Variants in EVC2 observed in about 807,000 individuals in gnomAD.
EVC2 encodes the protein EvC ciliary complex subunit 2, also known as limbin.
EVC2 carries 148 observed loss-of-function variants against 149.3 expected under a neutral mutation model. The observed-to-expected ratio is 0.99, with a 90% confidence interval of 0.87 to 1.14. The LOEUF is 1.14. Among genes scored for constraint, EVC2 ranks in the 50% most tolerant of loss-of-function variants. The pLI is 0.00. For synonymous variants in EVC2, 776 were observed against 649.9 expected (o/e 1.19, Z -2.95); for missense variants, 1,854 against 1,627.3 (o/e 1.14, Z -2.40).
Position 5,622,965 on chromosome 4 carries a change from C to A in EVC2, c.2073G>T (p.Ala691=). 6.2e-7 allele frequency: 1 copy of A among 1,614,076 alleles called. No homozygotes were observed. The highest frequency in any genetic ancestry group is 1.1e-5 in the South Asian group (1 of 91,074). Reference sequence around the variant, plus strand: ...CCGTTCGGAAGGCCTCGCCGACGGACGCCTGCTCCCTACGCTGCTCCCTGT... The same window carrying A: ...CCGTTCGGAAGGCCTCGCCGACGGAAGCCTGCTCCCTACGCTGCTCCCTGT... The part of the protein sequence containing the change: ...QKHREQRREQ[A]SVGEAFRTVE... Residue 691 remains alanine (A), a synonymous_variant, in exon 14 of 22, where the codon GCG becomes GCT. Coordinates refer to ENST00000344408, the MANE Select transcript of EVC2 (RefSeq NM_147127.5). This position sits in a 1 kb window ranked among gnomAD's most constrained non-coding sequence, Gnocchi z 5.8.
At chr4:5,555,145 G>C (rs1459077447) in intron 21 of EVC2, among the ~76,000 whole-genome samples, 1 of 151,706 alleles carries the variant, frequency 6.6e-6, no homozygotes, top group East Asian at 1.9e-4. Context: ...AGCCACCAAA[G>C]TCATTTTAAG....
rs903692929 is a variant in EVC2 at position 5,613,944 on chromosome 4, T to C, written c.2829+1478A>G. ...TTGGCGAGATCGTGCATTCGTGTTC[T>C]GAGAAATACACCGGCACTAAAATAA... On this transcript the variant is annotated intron_variant, in intron 16 of 21. Coordinates refer to ENST00000344408, the MANE Select transcript of EVC2 (RefSeq NM_147127.5). This position sits in a 1 kb window ranked among gnomAD's most constrained non-coding sequence, Gnocchi z 4.6. Among the ~76,000 whole-genome samples the C allele has an allele frequency of 3.3e-5, 5 of 152,142 alleles. No homozygotes were observed. The highest frequency in any genetic ancestry group is 7.4e-5 in the Non-Finnish European group (5 of 68,024).
intron 7 of EVC2, among the ~76,000 whole-genome samples, chr4:5,678,052 G>T (rs542258940): frequency 2.0e-5 from 3 of 152,344 alleles, no homozygotes; most frequent in African/African-American, 7.2e-5. Flanking sequence ...AACATCTCCA[G>T]CCAGAGACTG....
rs746099524 is a variant in EVC2 at position 5,689,203 on chromosome 4, G to C, written c.660C>G (p.Asn220Lys). 3.3e-5 allele frequency: 54 copies of C among 1,614,120 alleles called. No homozygotes were observed. Among genetic ancestry groups the C allele is most frequent in the Non-Finnish European group, 4.5e-5 (53 of 1,180,056 alleles). Residue 220 changes from asparagine to lysine, a missense_variant, in exon 5 of 22, where the codon AAC becomes AAG. Physicochemically the swap from Asn to Lys is moderately conservative, Grantham distance 94 (BLOSUM62 0). Coordinates refer to ENST00000344408, the MANE Select transcript of EVC2 (RefSeq NM_147127.5). ...AAGCCTGGAATCCTTCCGAGGTCCT[G>C]TTTCCCACAGAGTCCCAAATGGTGA... ...AGLTIWDSVG[N>K]RTSEGFQAFS...
At position 5,708,490 on chromosome 4, in the gene EVC2, C is replaced by T. The variant is rs989328461; in HGVS notation, c.24G>A (p.Gly8=). The T allele has an allele frequency of 3.4e-6, 5 of 1,477,502 alleles. No individual in the cohort carries two copies. The highest frequency in any genetic ancestry group is 4.5e-6 in the Non-Finnish European group (5 of 1,121,552). 91.5% of individuals were successfully genotyped at this position (1,477,502 alleles called of 1,614,324 possible). The change falls in exon 1 of 22, where the codon GGG becomes GGA. Residue 8 remains glycine, a synonymous_variant. Transcript: ENST00000344408. ...CCCCGGCCAGCACCCACGTGGGGCG[C>T]CCCCGGGAGCCCGAGGGGTCCATCG... MDPSGSR[G]RPTWVLAGGL...
In EVC2 at chr4:5,567,279, C is replaced by T. The variant is rs1722343668; in HGVS notation, c.3557+1165G>A. On this transcript the variant is annotated intron_variant, in intron 20 of 21. Transcript: ENST00000344408. This position sits in a 1 kb window ranked among gnomAD's most constrained non-coding sequence, Gnocchi z 4.4. Reference sequence around the variant, plus strand: ...CTGCCCACACCCGCAGATGTTCCCTCTTCCCCACCCTCCCCCTCACCCTGG... The same window carrying T: ...CTGCCCACACCCGCAGATGTTCCCTTTTCCCCACCCTCCCCCTCACCCTGG... 6.6e-6 allele frequency among the ~76,000 whole-genome samples: 1 copy of T among 152,206 alleles called. No individual in the cohort carries two copies. Among genetic ancestry groups the T allele is most frequent in the Non-Finnish European group, 1.5e-5 (1 of 68,046 alleles).
chr4:5,537,050 A>G, the EVC2 span, among the ~76,000 whole-genome samples: 1 of 152,200 alleles, frequency 6.6e-6, no homozygotes, highest in East Asian at 1.9e-4. Flanking sequence ...TTAAATGGAC[A>G]AAAGGTGCAA....
At chr4:5,554,743 GAAGCCCTTCCAGAGTATTTTGA>G (rs1721803858) in intron 21 of EVC2, among the ~76,000 whole-genome samples, 2 of 152,176 alleles carry the variant, frequency 1.3e-5, no homozygotes, top group Non-Finnish European at 2.9e-5. Flanking sequence ...ATCATAGCCA[GAAGCCCTTCCAGAGTATTTTGA>G]AGCCAATCCC....
At chr4:5,675,582 G>C (rs1719930126) in intron 7 of EVC2, among the ~76,000 whole-genome samples, 1 of 152,086 alleles carries the variant, frequency 6.6e-6, no homozygotes, top group South Asian at 2.1e-4. Context: ...CTTCCCATCT[G>C]GGTTCATAAT....
At chr4:5,541,131 A>T (rs1368727747), downstream of EVC2, among the ~76,000 whole-genome samples, 1 of 152,184 alleles carries the variant, frequency 6.6e-6, no homozygotes, top group Non-Finnish European at 1.5e-5. Context: ...TAAGAATACG[A>T]CTTTTTAAGG....
At chr4:5,534,794 G>C in the EVC2 span, among the ~76,000 whole-genome samples, 1 of 142,968 alleles carries the variant, frequency 7.0e-6, no homozygotes, top group South Asian at 2.3e-4. Flanking sequence ...ACAGTGGTCT[G>C]GCACTTAGCA....
chr4:5,625,762 T>G lies in EVC2; in HGVS notation c.2033A>C (p.Glu678Ala). 2 of 1,614,168 alleles carry G rather than the reference T, an allele frequency of 1.2e-6. No homozygotes were observed. Among genetic ancestry groups the G allele is most frequent in the Non-Finnish European group, 1.7e-6 (2 of 1,180,036 alleles). ...HQKLITKRRR[E>A]LLQKHREQRR... ...TGCCTTATATACCTTTTGTAGCAACTCTCGTCTTCTCTTAGTTATTAATTT... is the reference window on the plus strand; with the variant it reads ...TGCCTTATATACCTTTTGTAGCAACGCTCGTCTTCTCTTAGTTATTAATTT... Residue 678 changes from glutamate (E) to alanine (A), a missense_variant, in exon 13 of 22, where the codon GAG (glutamate) becomes GCG (alanine). Physicochemically the swap from Glu to Ala is moderately radical, Grantham distance 107 (BLOSUM62 -1). Transcript: ENST00000344408. The surrounding 1 kb of genome is among the most constrained non-coding windows in gnomAD (Gnocchi z 4.0).
rs969839210 is a variant in EVC2, at chr4:5,618,281, G to C, written c.2706+197C>G. Among the ~76,000 whole-genome samples, 1 of 152,198 alleles carries C rather than the reference G, an allele frequency of 6.6e-6. No homozygotes were observed. Among genetic ancestry groups the C allele is most frequent in the Non-Finnish European group, 1.5e-5 (1 of 68,038 alleles). On this transcript the variant is annotated intron_variant, in intron 15 of 21. Transcript: ENST00000344408. This position sits in a 1 kb window ranked among gnomAD's most constrained non-coding sequence, Gnocchi z 4.4. ...ACAGGATCAGGGCACAGCACCAGCA[G>C]TGTCCACTATAGACTTTAAAGTTGG...
Position 5,686,193 on chromosome 4 carries a change from A to C in EVC2, c.707-714T>G, listed in dbSNP as rs1040818893. Among the ~76,000 whole-genome samples, 1 of 151,630 alleles carries C rather than the reference A, an allele frequency of 6.6e-6. No homozygotes were observed. Among genetic ancestry groups the C allele is most frequent in the African/African-American group, 2.4e-5 (1 of 41,244 alleles). ...AATCACTGGCATTTTTGTTTTAAAA[A>C]TCCTCAACATTTTCATTTTTATTTA... On this transcript the variant is annotated intron_variant, in intron 5 of 21. Transcript: ENST00000344408. The surrounding 1 kb of genome is among the most constrained non-coding windows in gnomAD (Gnocchi z 5.4).
intron 19 of EVC2, among the ~76,000 whole-genome samples, chr4:5,570,820 T>C (rs1178885361): frequency 6.6e-6 from 1 of 152,106 alleles, no homozygotes; most frequent in African/African-American, 2.4e-5. Flanking sequence ...AGCCATAATA[T>C]GGAATGAAAT....
At chr4:5,544,677 G>C (rs1331956797) in intron 21 of EVC2, among the ~76,000 whole-genome samples, 16 of 152,194 alleles carry the variant, frequency 1.1e-4, no homozygotes, top group Admixed American at 6.5e-4. Flanking sequence ...TGTTCACTTT[G>C]TAAACTCCAA....
In EVC2 at chr4:5,612,357, G is replaced by A. The variant is rs73198119; in HGVS notation, c.2829+3065C>T. Among the ~76,000 whole-genome samples, 581 of 152,118 alleles carry A rather than the reference G, an allele frequency of 3.8e-3. 3 individuals are homozygous for A. Among genetic ancestry groups the A allele is most frequent in the Middle Eastern group, 6.8e-3 (2 of 294 alleles). On this transcript the variant is annotated intron_variant, in intron 16 of 21. Transcript: ENST00000344408. ...TCTTTCAATTATTTCAGGATGACAT[G>A]GTTTTAAAAAAAGAAAAAGAAAAAA...
chr4:5,606,646 G>T (rs1714413356), intron 16 of EVC2, among the ~76,000 whole-genome samples: 2 of 152,054 alleles, frequency 1.3e-5, no homozygotes, highest in African/African-American at 4.8e-5. Flanking sequence ...AAAAAAGCAG[G>T]AATATAAGAT....
chr4:5,641,876 C>G (rs1717354303), intron 9 of EVC2, among the ~76,000 whole-genome samples: 1 of 152,152 alleles, frequency 6.6e-6, no homozygotes, highest in Non-Finnish European at 1.5e-5. Context: ...CACCTATCAA[C>G]CCGATATCTA....
Sources: gnomAD v4.1 joint callset for allele counts (sites outside exome capture counted in the v4.1 genomes callset) on GRCh38, gnomAD v4.1.1 for gene constraint, Gnocchi (gnomAD v3.1) non-coding constraint, MANE v1.5 for transcripts, NCBI Gene and HGNC (gene_info 2026-07-23, HGNC 2026-07-21) for gene names.